The following KCTD5 variants were observed in gnomAD, a reference collection of about 807,000 sequenced individuals.
The protein encoded by KCTD5 is BTB/POZ domain-containing protein KCTD5.
Under a neutral mutation model 27.9 loss-of-function variants are expected in KCTD5, and 12 were observed. The ratio of observed to expected loss-of-function variants is 0.43; its 90% CI spans 0.28 to 0.70. The LOEUF (loss-of-function observed/expected upper bound fraction) is 0.70, where lower values mean the gene tolerates loss of function less well. Ranked by LOEUF, KCTD5 falls within the 30% of genes least tolerant of loss-of-function variation. The pLI is 0.19. For synonymous variants in KCTD5, 147 were observed against 121.4 expected (o/e 1.21, Z -1.39); for missense variants, 226 against 274.8 (o/e 0.82, Z 1.26).
chr16:2,703,408 G>A (rs773685948), intron 5 of KCTD5, among the ~76,000 whole-genome samples: 1 of 152,226 alleles, frequency 6.6e-6, no homozygotes, highest in Non-Finnish European at 1.5e-5. Flanking sequence ...GCGAAGGCTC[G>A]GGGCATTGGC....
In KCTD5 at chr16:2,702,423, A is replaced by G. The variant is rs1232406961; in HGVS notation, c.620A>G (p.Lys207Arg). ...GCCGAGTTCCTCTGTGTGGTGTCCA[A>G]GGAGCTGCACAACACCCCGTACGGT... ...DQAEFLCVVSKELHNTPYGTA... is the reference protein window; with the variant it reads ...DQAEFLCVVSRELHNTPYGTA... The change falls in exon 5 of 6, where the codon AAG becomes AGG. Residue 207 changes from lysine to arginine, a missense_variant. Transcript: ENST00000301738. 8 of 1,613,324 alleles carry G rather than the reference A, an allele frequency of 5.0e-6. No individual in the cohort carries two copies. The highest frequency in any genetic ancestry group is 5.9e-6 in the Non-Finnish European group (7 of 1,179,994).
chr16:2,691,865 GC>G (rs2067568316), intron 1 of KCTD5, among the ~76,000 whole-genome samples: 1 of 152,226 alleles, frequency 6.6e-6, no homozygotes, highest in Non-Finnish European at 1.5e-5. Flanking sequence ...AGCCTCCCCT[GC>G]CTTTGATGGC....
intron 1 of KCTD5, among the ~76,000 whole-genome samples, chr16:2,687,471 T>C (rs1025874245): frequency 3.3e-5 from 5 of 152,160 alleles, no homozygotes; most frequent in African/African-American, 1.2e-4. Context: ...CAGTGACTAG[T>C]CTTGGTTTAG....
intron 3 of KCTD5, chr16:2,699,022 A>G (rs577303075): frequency 7.2e-6 from 3 of 419,216 alleles, no homozygotes; most frequent in East Asian, 1.4e-4. Context: ...GTCTTGCAGA[A>G]TAAAGCAACT....
At position 2,688,247 on chromosome 16, in the gene KCTD5, T is replaced by TATATTTATTTATATATATATA. The variant is rs1567193128; in HGVS notation, c.252+5447_252+5448insATATTTATTTATATATATATA. Among the ~76,000 whole-genome samples, 12 of 106,104 alleles carry TATATTTATTTATATATATATA rather than the reference T, an allele frequency of 1.1e-4. 1 individual carries two copies. Among genetic ancestry groups the TATATTTATTTATATATATATA allele is most frequent in the Admixed American group, 1.1e-3 (11 of 10,122 alleles). The allele number at this position is 106,104 out of a possible 152,430, so 69.6% of individuals were successfully genotyped here. ...TAAATAAATATATATATATATATAT[T>TATATTTATTTATATATATATA]TATTTATTTATTTATTTATTTGAGA... On this transcript the variant is annotated intron_variant, in intron 1 of 5. Coordinates refer to ENST00000301738, the MANE Select transcript of KCTD5 (RefSeq NM_018992.4).
At chr16:2,690,514 ATTATGGC>A (rs1414016758) in intron 1 of KCTD5, among the ~76,000 whole-genome samples, 1 of 152,238 alleles carries the variant, frequency 6.6e-6, no homozygotes. Flanking sequence ...AACAGTCTTA[ATTATGGC>A]TGTTTTAGAA....
At chr16:2,685,058 A>T (rs2067534893) in intron 1 of KCTD5, among the ~76,000 whole-genome samples, 1 of 152,252 alleles carries the variant, frequency 6.6e-6, no homozygotes, top group African/African-American at 2.4e-5. Flanking sequence ...ACCAGGTTTG[A>T]TTTCCAAATG....
At position 2,690,248 on chromosome 16, in the gene KCTD5, C is replaced by T. The variant is rs575274950; in HGVS notation, c.253-5687C>T. Among the ~76,000 whole-genome samples, 441 of 152,344 alleles carry T rather than the reference C, an allele frequency of 2.9e-3. 1 individual carries two copies. Among genetic ancestry groups the T allele is most frequent in the Non-Finnish European group, 5.5e-3 (372 of 68,028 alleles). ...GTCTGCGGAGTCTTCCTCCGTCTGCCAGGGCTGTGTGTGCCCTGGCTCGGC... is the reference window on the plus strand; with the variant it reads ...GTCTGCGGAGTCTTCCTCCGTCTGCTAGGGCTGTGTGTGCCCTGGCTCGGC... On this transcript the variant is annotated intron_variant, in intron 1 of 5. Coordinates refer to ENST00000301738, the MANE Select transcript of KCTD5 (RefSeq NM_018992.4).
Position 2,691,996 on chromosome 16 carries a change from G to A in KCTD5, c.253-3939G>A, listed in dbSNP as rs149684952. Among the ~76,000 whole-genome samples, 350 of 152,248 alleles carry A rather than the reference G, an allele frequency of 2.3e-3. 1 individual carries two copies. Among genetic ancestry groups the A allele is most frequent in the African/African-American group, 8.2e-3 (339 of 41,540 alleles). On this transcript the variant is annotated intron_variant, in intron 1 of 5. Coordinates refer to ENST00000301738, the MANE Select transcript of KCTD5 (RefSeq NM_018992.4). ...GTGCGGTTCCCACACAGGTGCGTCC[G>A]GGGGCTTCCTGGTCCCTCTGTCAGG...
intron 1 of KCTD5, among the ~76,000 whole-genome samples, chr16:2,688,898 ACT>A (rs1319007743): frequency 1.9e-4 from 1 of 5,306 alleles, no homozygotes; most frequent in Non-Finnish European, 5.0e-4. Context: ...GCAGAGCAGG[ACT>A]CTCTGCAGCG....
rs747543049 is a variant in KCTD5 at position 2,707,368 on chromosome 16, C to T, written c.*41C>T. On this transcript the variant is annotated 3_prime_UTR_variant, in exon 6 of 6. Transcript: ENST00000301738. ...CAGCTGAAGAAATGATTTACGTTTT[C>T]CCGAGATGTAATGAACTGCCATGTC... The T allele has an allele frequency of 6.2e-7, 1 of 1,602,982 alleles. No homozygotes were observed. The highest frequency in any genetic ancestry group is 2.2e-5 in the East Asian group (1 of 44,838).
rs576266947 is a variant in KCTD5, at chr16:2,682,675, T to C, written c.127T>C (p.Ser43Pro). ...GALAQRPGSV[S>P]KWVRLNVGGT... ...CCTGGCCCAGCGCCCTGGCAGCGTG[T>C]CCAAGTGGGTCCGACTCAACGTCGG... Residue 43 changes from serine (S) to proline (P), a missense_variant, in exon 1 of 6, where the codon TCC becomes CCC. Ser to Pro is a moderately conservative substitution (Grantham distance 74, BLOSUM62 -1). Transcript: ENST00000301738. The C allele has an allele frequency of 4.9e-5, 78 of 1,607,772 alleles. 1 individual carries two copies. The highest frequency in any genetic ancestry group is 6.0e-5 in the Non-Finnish European group (71 of 1,177,950).
intron 1 of KCTD5, among the ~76,000 whole-genome samples, chr16:2,690,875 T>G (rs953310966): frequency 9.9e-5 from 15 of 152,246 alleles, no homozygotes; most frequent in African/African-American, 3.6e-4. Flanking sequence ...TTTGTATGAT[T>G]TTGTGTTTCC....
At chr16:2,693,727 TG>T (rs2067577309) in intron 1 of KCTD5, among the ~76,000 whole-genome samples, 2 of 152,182 alleles carry the variant, frequency 1.3e-5, no homozygotes, top group Admixed American at 6.5e-5. Flanking sequence ...GAGAAGCACA[TG>T]GTGGGTTGTC....
intron 2 of KCTD5, 92 bp from the exon 3 acceptor site, chr16:2,697,813 CA>C: frequency 1.1e-6 from 1 of 880,988 alleles, no homozygotes. Context: ...GCCCTCATTG[CA>C]GGGGCAGGGG....
intron 4 of KCTD5, among the ~76,000 whole-genome samples, chr16:2,700,577 T>A (rs529261385): frequency 6.6e-6 from 1 of 152,282 alleles, no homozygotes; most frequent in East Asian, 1.9e-4. Context: ...GCTGCCACTG[T>A]TCCTGGTGCT....
At chr16:2,698,743 G>A (rs2067597909) in intron 3 of KCTD5, among the ~76,000 whole-genome samples, 2 of 152,260 alleles carry the variant, frequency 1.3e-5, no homozygotes, top group South Asian at 4.1e-4. Context: ...AGGGCCGCTG[G>A]CCACCTAGCG....
Position 2,697,937 on chromosome 16 carries a change from C to T in KCTD5, c.393C>T (p.Ile131=). 1.2e-6 allele frequency: 2 copies of T among 1,611,052 alleles called. No homozygotes were observed. The highest frequency in any genetic ancestry group is 2.2e-5 in the South Asian group (2 of 91,002). ...GVLEEAEFYN[I]TSLIKLVKDK... The stretch of plus-strand genomic sequence containing the variant: ...TGGAGGAAGCAGAATTTTACAATAT[C>T]ACCTCATTAATAAAACTTGTAAAGG... The change falls in exon 3 of 6, where the codon ATC becomes ATT. Residue 131 remains isoleucine, a synonymous_variant. Transcript: ENST00000301738.
intron 5 of KCTD5, among the ~76,000 whole-genome samples, chr16:2,704,533 C>G (rs764368091): frequency 1.3e-5 from 2 of 152,378 alleles, no homozygotes; most frequent in African/African-American, 2.4e-5. Context: ...GCAGAGCTCA[C>G]TGAGAGCGCT....
Sources: allele counts gnomAD v4.1 joint callset (sites outside exome capture counted in the v4.1 genomes callset), GRCh38; gene constraint gnomAD v4.1.1; transcripts MANE v1.5; gene names NCBI Gene and HGNC (gene_info 2026-07-23, HGNC 2026-07-21).